The following KDM8 variants were observed in gnomAD, a reference collection of about 807,000 sequenced individuals.
The protein encoded by KDM8 is bifunctional peptidase and arginyl-hydroxylase JMJD5.
KDM8 carries 35 observed loss-of-function variants against 46.9 expected under a neutral mutation model. The observed-to-expected ratio is 0.75, with a 90% confidence interval of 0.57 to 0.99. The LOEUF is 0.99. Ranked by LOEUF, KDM8 falls within the 50% of genes least tolerant of loss-of-function variation. The pLI, the probability that KDM8 is intolerant of heterozygous loss-of-function variation, is 0.00. For synonymous variants in KDM8, 232 were observed against 227.7 expected, an observed-to-expected ratio of 1.02 and a Z score of -0.17; for missense variants, 475 against 537.0, an observed-to-expected ratio of 0.88 and a Z score of 1.14.
At chr16:27,204,021 C>A in intron 1 of KDM8, 2 of 1,354,888 alleles carry the variant, frequency 1.5e-6, no homozygotes, top group Admixed American at 2.2e-5. Context: ...GTGTCCGCTG[C>A]TTTTAGGCAA....
chr16:27,204,340 G>A (rs2083407467), intron 1 of KDM8: 1 of 1,357,930 alleles, frequency 7.4e-7, no homozygotes, highest in African/African-American at 1.5e-5. Flanking sequence ...GTGCGCAGGC[G>A]TTGGGGCCAC....
At chr16:27,220,150 G>A (rs2083601029) in intron 6 of KDM8, among the ~76,000 whole-genome samples, 1 of 152,190 alleles carries the variant, frequency 6.6e-6, no homozygotes, top group African/African-American at 2.4e-5. Flanking sequence ...GAGGCCAGGA[G>A]GTCGAGACTG....
intron 1 of KDM8, among the ~76,000 whole-genome samples, chr16:27,209,296 G>A (rs893202557): frequency 6.6e-6 from 1 of 152,164 alleles, no homozygotes; most frequent in Non-Finnish European, 1.5e-5. Context: ...GCATGATCTC[G>A]GCTTACTGCA....
intron 6 of KDM8, 61 bp from the exon 7 acceptor site, chr16:27,220,332 G>A: frequency 2.1e-6 from 3 of 1,444,680 alleles, no homozygotes; most frequent in Non-Finnish European, 2.9e-6. Flanking sequence ...AGAGGCCAGA[G>A]TGGGCTTGGG....
chr16:27,214,423 G>A (rs1210259227), intron 3 of KDM8: 2 of 169,990 alleles, frequency 1.2e-5, no homozygotes, highest in Non-Finnish European at 2.6e-5. Flanking sequence ...CTGTAAATGG[G>A]GATCAAGGAC....
chr16:27,220,804 C>T lies in KDM8; in HGVS notation c.*74C>T. The T allele has an allele frequency of 6.5e-7, 1 of 1,535,342 alleles. No homozygotes were observed. The highest frequency in any genetic ancestry group is 1.1e-5 in the South Asian group (1 of 89,208). ...TCACTAATTTCCTGGGTCCTGGAAT[C>T]TATAGAGACAAGCAGGACTGAACCT... On this transcript the variant is annotated 3_prime_UTR_variant, in exon 8 of 8. Transcript: ENST00000286096.
chr16:27,210,736 T>C, intron 2 of KDM8, 115 bp downstream of exon 2: 1 of 1,007,336 alleles, frequency 9.9e-7, no homozygotes, highest in South Asian at 2.2e-5. Flanking sequence ...ACCCCTCTGG[T>C]GGAAAACAGC....
Position 27,220,383 on chromosome 16 carries a change from C to T in KDM8, c.994-10C>T, listed in dbSNP as rs370111265. On this transcript the variant is annotated splice_polypyrimidine_tract_variant and intron_variant, in intron 6 of 7. Transcript: ENST00000286096. ...GGCCACCAGCTGACTGTCAGGGTCT[C>T]TCTCCCCAGGTGATGGGGAGGAAGT... 6 of 1,609,900 alleles carry T rather than the reference C, an allele frequency of 3.7e-6. No homozygotes were observed. The highest frequency in any genetic ancestry group is 1.3e-5 in the African/African-American group (1 of 74,812).
At chr16:27,216,124 C>T (rs1030109371) in intron 5 of KDM8, 135 bp downstream of exon 5, 6 of 927,500 alleles carry the variant, frequency 6.5e-6, no homozygotes, top group East Asian at 2.6e-5. Flanking sequence ...GGTGACAGGA[C>T]GTGGGTGATG....
intron 6 of KDM8, among the ~76,000 whole-genome samples, chr16:27,219,886 A>G (rs797016077): frequency 1.5e-4 from 23 of 152,352 alleles, no homozygotes; most frequent in African/African-American, 4.8e-4. Context: ...TGGGCTCCAA[A>G]AATGAAGTTA....
At chr16:27,204,003 C>G (rs1481680658) in intron 1 of KDM8, 3 of 1,103,856 alleles carry the variant, frequency 2.7e-6, no homozygotes, top group African/African-American at 1.6e-5. Context: ...TTATACTCTG[C>G]TATATGTGTG....
chr16:27,213,537 C>A (rs374946987), intron 2 of KDM8, 48 bp from the exon 3 acceptor site: 3 of 1,591,054 alleles, frequency 1.9e-6, no homozygotes, highest in Non-Finnish European at 2.6e-6. Flanking sequence ...CCTCAAATGT[C>A]GACTTCCTGA....
chr16:27,209,486 C>T (rs572987479), intron 1 of KDM8, among the ~76,000 whole-genome samples: 1 of 152,352 alleles, frequency 6.6e-6, no homozygotes, highest in African/African-American at 2.4e-5. Flanking sequence ...CTCGGCCTCC[C>T]AAAGTGCTGG....
At position 27,210,377 on chromosome 16, in the gene KDM8, A is replaced by G; in HGVS notation, c.254A>G (p.Gln85Arg). Residue 85 changes from glutamine (Q) to arginine (R), a missense_variant, in exon 2 of 8, where the codon CAG (glutamine) becomes CGG (arginine). Coordinates refer to ENST00000286096, the MANE Select transcript of KDM8 (RefSeq NM_024773.3). ...SWEKLNTGTW[Q>R]DVDKDWRRVY... Reference sequence around the variant, plus strand: ...GAGAAGCTCAACACGGGCACATGGCAGGACGTAGACAAAGACTGGCGCCGG... The same window carrying G: ...GAGAAGCTCAACACGGGCACATGGCGGGACGTAGACAAAGACTGGCGCCGG... 6.2e-7 allele frequency: 1 copy of G among 1,613,388 alleles called. No individual in the cohort carries two copies. The highest frequency in any genetic ancestry group is 8.5e-7 in the Non-Finnish European group (1 of 1,179,964).
At chr16:27,220,275 G>C (rs932220741) in intron 6 of KDM8, 118 bp from the exon 7 acceptor site, 10 of 805,522 alleles carry the variant, frequency 1.2e-5, no homozygotes, top group Non-Finnish European at 2.2e-5. Context: ...CATGTGTGTG[G>C]TGGGGAAGGG....
At chr16:27,213,830 T>C in intron 3 of KDM8, 79 bp downstream of exon 3, 1 of 1,447,708 alleles carries the variant, frequency 6.9e-7, no homozygotes, top group Non-Finnish European at 9.4e-7. Context: ...CTCCCGACCA[T>C]CCCCAGGGAA....
intron 3 of KDM8, 67 bp downstream of exon 3, chr16:27,213,818 T>G (rs2083515216): frequency 8.6e-6 from 13 of 1,517,318 alleles, no homozygotes; most frequent in African/African-American, 1.4e-5. Flanking sequence ...CTCCCTGAAT[T>G]CCTCCCGACC....
chr16:27,212,670 G>A (rs1337311684), intron 2 of KDM8, among the ~76,000 whole-genome samples: 2 of 152,208 alleles, frequency 1.3e-5, no homozygotes, highest in African/African-American at 2.4e-5. Flanking sequence ...TGAGGCAGAG[G>A]TTGTAGTGAG....
chr16:27,204,392 C>T (rs2083408034), intron 1 of KDM8: 1 of 1,236,892 alleles, frequency 8.1e-7, no homozygotes, highest in Non-Finnish European at 1.0e-6. Context: ...CTTAGAGAGC[C>T]AAAGGGATCC....
Sources: gnomAD v4.1 joint callset for allele counts (sites outside exome capture counted in the v4.1 genomes callset) on GRCh38, gnomAD v4.1.1 for gene constraint, MANE v1.5 for transcripts, NCBI Gene and HGNC (gene_info 2026-07-23, HGNC 2026-07-21) for gene names.